The following SP140 variants were observed in gnomAD, a reference collection of about 807,000 sequenced individuals.
SP140 encodes SP140 nuclear body protein.
A neutral mutation model predicts 125.0 loss-of-function variants in SP140; 81 were observed. That is an observed-to-expected ratio of 0.65 (90% CI 0.54 to 0.78). The LOEUF is 0.78. SP140 is among the 30% of genes least tolerant of loss of function. The pLI, the probability that SP140 is intolerant of heterozygous loss-of-function variation, is 0.00. For synonymous variants in SP140, 312 were observed against 354.0 expected, an observed-to-expected ratio of 0.88 and a Z score of 1.33; for missense variants, 858 against 1,037.0, an observed-to-expected ratio of 0.83 and a Z score of 2.37.
At chr2:230,198,069 G>T in the SP140 span, among the ~76,000 whole-genome samples, 1 of 152,206 alleles carries the variant, frequency 6.6e-6, no homozygotes, top group East Asian at 1.9e-4. Flanking sequence ...ATTGAAAAGT[G>T]TATTTCTCTA....
intron 15 of SP140, among the ~76,000 whole-genome samples, chr2:230,272,557 T>G (rs2054088302): frequency 6.6e-6 from 1 of 152,190 alleles, no homozygotes; most frequent in Non-Finnish European, 1.5e-5. Flanking sequence ...CCATCATCCA[T>G]GTAAGACGTG....
At chr2:230,297,761 A>C (rs1016878457) in intron 22 of SP140, among the ~76,000 whole-genome samples, 1 of 152,194 alleles carries the variant, frequency 6.6e-6, no homozygotes, top group Non-Finnish European at 1.5e-5. Flanking sequence ...CAGAGCCTGA[A>C]GTGGTAATGG....
chr2:230,192,685 C>G, the SP140 span, among the ~76,000 whole-genome samples: 1 of 152,146 alleles, frequency 6.6e-6, no homozygotes, highest in Admixed American at 6.5e-5. Flanking sequence ...GAATCAATAT[C>G]TTGGAAATGG....
At chr2:230,284,883 T>C (rs1186402295) in intron 16 of SP140, among the ~76,000 whole-genome samples, 4 of 152,086 alleles carry the variant, frequency 2.6e-5, no homozygotes, top group Non-Finnish European at 5.9e-5. Context: ...TATAGAAAAA[T>C]AGATGGCAGT....
chr2:230,294,329 C>A lies in SP140; in HGVS notation c.2016+11C>A. 1.3e-6 allele frequency: 2 copies of A among 1,597,412 alleles called. No homozygotes were observed. The highest frequency in any genetic ancestry group is 1.7e-6 in the Non-Finnish European group (2 of 1,164,844). The stretch of plus-strand genomic sequence containing the variant: ...TACAGGAAAAAAAAGGTGATTATTA[C>A]ATAGCTTTATACAGCTTCTTGTCAC... On this transcript the variant is annotated intron_variant, in intron 21 of 26. Transcript: ENST00000392045.
At chr2:230,289,475 T>C (rs2149472999) in intron 18 of SP140, among the ~76,000 whole-genome samples, 1 of 152,300 alleles carries the variant, frequency 6.6e-6, no homozygotes, top group South Asian at 2.1e-4. Flanking sequence ...TAAAAATTTG[T>C]CTCAGGACCA....
intron 11 of SP140, among the ~76,000 whole-genome samples, chr2:230,255,191 A>T (rs1177436505): frequency 2.6e-5 from 4 of 152,112 alleles, no homozygotes; most frequent in African/African-American, 9.7e-5. Flanking sequence ...TAATGTGGAA[A>T]GGGGGAGGGG....
intron 11 of SP140, among the ~76,000 whole-genome samples, chr2:230,253,764 A>T (rs988687567): frequency 6.6e-6 from 1 of 152,166 alleles, no homozygotes; most frequent in African/African-American, 2.4e-5. Flanking sequence ...AGGCAGGGAG[A>T]TTGTTTTCAG....
chr2:230,197,634 A>G, the SP140 span, among the ~76,000 whole-genome samples: 1 of 151,870 alleles, frequency 6.6e-6, no homozygotes, highest in Non-Finnish European at 1.5e-5. Flanking sequence ...TATATCCTGA[A>G]TGGTATTGCT....
chr2:230,250,095 AC>A (rs1430627339), intron 9 of SP140, among the ~76,000 whole-genome samples: 1 of 152,152 alleles, frequency 6.6e-6, no homozygotes, highest in African/African-American at 2.4e-5. Flanking sequence ...CCTCCTCCGA[AC>A]CTAGAAACTC....
Position 230,285,795 on chromosome 2 carries a change from G to A in SP140, c.1608G>A (p.Lys536=). The A allele has an allele frequency of 1.2e-6, 2 of 1,613,858 alleles. No individual in the cohort carries two copies. Among genetic ancestry groups the A allele is most frequent in the Non-Finnish European group, 1.7e-6 (2 of 1,179,782 alleles). ...GCCAGGTGGTCTCCAGTGAAAAGAAGGCGAACGTGAATCTGAAAGACCTTT... is the reference window on the plus strand; with the variant it reads ...GCCAGGTGGTCTCCAGTGAAAAGAAAGCGAACGTGAATCTGAAAGACCTTT... ...ADGQVVSSEK[K]ANVNLKDLSK... Residue 536 remains lysine (K), a synonymous_variant, in exon 17 of 27, where the codon AAG becomes AAA. Transcript: ENST00000392045.
At chr2:230,195,035 C>T in the SP140 span, among the ~76,000 whole-genome samples, 1 of 151,802 alleles carries the variant, frequency 6.6e-6, no homozygotes, top group Admixed American at 6.6e-5. Context: ...TTTCACTTTT[C>T]TTCCTTATGT....
chr2:230,310,816 G>T lies in SP140; in HGVS notation c.2248G>T (p.Val750Phe). 27 of 1,449,734 alleles carry T rather than the reference G, an allele frequency of 1.9e-5. No homozygotes were observed. The highest frequency in any genetic ancestry group is 2.5e-5 in the Non-Finnish European group (27 of 1,062,308). 89.8% of individuals were successfully genotyped at this position (1,449,734 alleles called of 1,614,324 possible). A position where few individuals can be genotyped will look rare whatever the true frequency, so the allele number is the denominator to read the frequency against. Residue 750 changes from valine (V) to phenylalanine (F), a missense_variant, in exon 24 of 27, where the codon GTC becomes TTC. This residue lies in a region of SP140 where 22 missense variants were observed against 50.5 expected (regional missense o/e 0.44). Transcript: ENST00000392045. ...GSQQCCQESE[V>F]LERQMCPEEQ... ...CCAACAGTGTTGTCAGGAATCTGAG[G>T]TCCTGGAGAGGCAGATGTGTCCTGA...
At chr2:230,208,138 T>G in intron 1 of SP140, 1 of 881,552 alleles carries the variant, frequency 1.1e-6, no homozygotes, top group Non-Finnish European at 1.8e-6. Context: ...CAGCTTTTAC[T>G]TTTGGTCTTC....
intron 12 of SP140, among the ~76,000 whole-genome samples, chr2:230,263,238 G>C (rs188768233): frequency 6.6e-6 from 1 of 152,284 alleles, no homozygotes; most frequent in East Asian, 1.9e-4. Context: ...TTTAACTGCT[G>C]TTGCCTTAAA....
chr2:230,225,591 C>G (rs970817288), upstream of SP140: 5 of 560,206 alleles, frequency 8.9e-6, no homozygotes, highest in Admixed American at 1.2e-4. Context: ...CTTTCCTTGG[C>G]AGGAACAAGT....
intron 3 of SP140, 40 bp from the exon 4 acceptor site, chr2:230,241,364 C>A: frequency 7.9e-7 from 1 of 1,258,606 alleles, no homozygotes; most frequent in South Asian, 1.2e-5. Flanking sequence ...CTCCTCTGGT[C>A]ACTGTCTGAG....
At position 230,212,368 on chromosome 2, in the gene SP140, G is replaced by A. The variant is rs759693595; in HGVS notation, c.-322-1286G>A. ...TTACCTTGCACAGTGCTAGTGAGGA[G>A]GCTGGGCATCTCTTCTGAGTCTTCT... On this transcript the variant is annotated intron_variant, in intron 1 of 4. Transcript: ENST00000456542. The A allele has an allele frequency of 2.5e-6, 4 of 1,612,830 alleles. No homozygotes were observed. The East Asian group carries it at 8.9e-5, about 36-fold the overall frequency.
chr2:230,316,013 A>G (rs1575409400), downstream of SP140, among the ~76,000 whole-genome samples: 1 of 152,244 alleles, frequency 6.6e-6, no homozygotes, highest in Admixed American at 6.5e-5. Context: ...AGCAATTCAC[A>G]TTCTCAAGGA....
Sources: gnomAD v4.1 joint callset for allele counts (sites outside exome capture counted in the v4.1 genomes callset) on GRCh38, gnomAD v4.1.1 for gene constraint, gnomAD v4.1.1 regional missense constraint, MANE v1.5 for transcripts, NCBI Gene and HGNC (gene_info 2026-07-23, HGNC 2026-07-21) for gene names.